ATF7IP: variants seen among roughly 807,000 people sequenced by gnomAD.
ATF7IP encodes the protein activating transcription factor 7 interacting protein, also known as activating transcription factor 7-interacting protein 1.
ATF7IP carries 23 observed loss-of-function variants against 106.4 expected under a neutral mutation model. That is an observed-to-expected ratio of 0.22 (90% CI 0.16 to 0.31). The LOEUF (loss-of-function observed/expected upper bound fraction) is 0.31. ATF7IP is among the 10% of genes least tolerant of loss of function. ATF7IP has a pLI of 1.00. For synonymous variants in ATF7IP, 542 were observed against 539.0 expected, an observed-to-expected ratio of 1.01 and a Z score of -0.08; for missense variants, 1,334 against 1,524.3, an observed-to-expected ratio of 0.88 and a Z score of 2.08.
intron 13 of ATF7IP, among the ~76,000 whole-genome samples, chr12:14,485,176 A>G (rs1280401404): frequency 6.6e-6 from 1 of 152,046 alleles, no homozygotes; most frequent in Non-Finnish European, 1.5e-5. Flanking sequence ...AGTAGCATGG[A>G]CCTGTTGCAG....
chr12:14,430,960 C>T (rs377514126), intron 2 of ATF7IP, among the ~76,000 whole-genome samples: 3 of 152,054 alleles, frequency 2.0e-5, no homozygotes, highest in South Asian at 2.1e-4. Context: ...ATTTTTTGGC[C>T]GCTTACAAAA....
chr12:14,431,398 C>CTTT (rs780382202), intron 2 of ATF7IP, among the ~76,000 whole-genome samples: 1 of 142,664 alleles, frequency 7.0e-6, no homozygotes, highest in African/African-American at 2.6e-5. Context: ...AAAAAACATT[C>CTTT]TTTTTTTTTT....
chr12:14,404,817 A>T (rs1021954950), intron 1 of ATF7IP, among the ~76,000 whole-genome samples: 1 of 146,208 alleles, frequency 6.8e-6, no homozygotes, highest in Non-Finnish European at 1.5e-5. Flanking sequence ...TGTAGAATGG[A>T]TGGAGACCAC....
chr12:14,422,397 A>G (rs1383311349), intron 1 of ATF7IP, among the ~76,000 whole-genome samples: 1 of 151,896 alleles, frequency 6.6e-6, no homozygotes, highest in East Asian at 1.9e-4. Flanking sequence ...TAGTGGCATT[A>G]CTGAGATAAA....
At chr12:14,398,797 A>G (rs892687537) in intron 1 of ATF7IP, among the ~76,000 whole-genome samples, 2 of 151,838 alleles carry the variant, frequency 1.3e-5, no homozygotes, top group African/African-American at 2.4e-5. Flanking sequence ...TATATGTCAT[A>G]TATAGGTTTT....
chr12:14,366,801 C>A (rs1365605097), intron 1 of ATF7IP, among the ~76,000 whole-genome samples: 1 of 152,078 alleles, frequency 6.6e-6, no homozygotes, highest in Admixed American at 6.6e-5. Flanking sequence ...ATCCATTACC[C>A]TGAGGCCTCT....
intron 5 of ATF7IP, among the ~76,000 whole-genome samples, chr12:14,443,632 G>A (rs1942815304): frequency 6.6e-6 from 1 of 152,098 alleles, no homozygotes; most frequent in African/African-American, 2.4e-5. Flanking sequence ...TTTAATAATG[G>A]ATTATTGGAA....
intron 9 of ATF7IP, among the ~76,000 whole-genome samples, chr12:14,464,536 A>G (rs1207397634): frequency 1.3e-5 from 2 of 152,220 alleles, no homozygotes; most frequent in Admixed American, 1.3e-4. Context: ...CGTATTCCAT[A>G]TGATAGAAGG....
rs752153205 is a variant in ATF7IP at position 14,496,280 on chromosome 12, A to T, written c.3330A>T (p.Gly1110=). ...CAACCACATATGTTGTAAACAATGG[A>T]CTAACCCTGGGATCAACAGGACCTC... ...PQTTTYVVNN[G]LTLGSTGPQL... The change falls in exon 14 of 15, where the codon GGA becomes GGT. Residue 1110 remains glycine (G), a synonymous_variant. Coordinates refer to ENST00000261168, the MANE Select transcript of ATF7IP (RefSeq NM_018179.5). 6.2e-7 allele frequency: 1 copy of T among 1,614,024 alleles called. No individual in the cohort carries two copies. Among genetic ancestry groups the T allele is most frequent in the Non-Finnish European group, 8.5e-7 (1 of 1,179,914 alleles).
chr12:14,373,198 C>G (rs912571549), intron 1 of ATF7IP, among the ~76,000 whole-genome samples: 1 of 152,156 alleles, frequency 6.6e-6, no homozygotes, highest in African/African-American at 2.4e-5. Flanking sequence ...TGCTTTTGAA[C>G]TCTTTTATTT....
intron 11 of ATF7IP, chr12:14,476,411 CAAAAAAAAAAAAAAA>C (rs10603374): frequency 1.5e-5 from 1 of 65,080 alleles, no homozygotes; most frequent in South Asian, 6.5e-4. Flanking sequence ...GGCCCTGTCT[CAAAAAAAAAAAAAAA>C]AAAAAAAAAG....
chr12:14,438,364 A>AG, intron 5 of ATF7IP, 97 bp downstream of exon 5: 2 of 1,144,816 alleles, frequency 1.7e-6, no homozygotes, highest in Non-Finnish European at 2.4e-6. Context: ...AAATACATTT[A>AG]AATTCTAAAT....
chr12:14,497,681 C>T lies in ATF7IP; in HGVS notation c.3421C>T (p.Pro1141Ser). The change falls in exon 15 of 15, where the codon CCC becomes TCC. Residue 1141 changes from proline to serine, a missense_variant. Pro to Ser is a moderately conservative substitution (Grantham distance 74). This residue lies in a region of ATF7IP where 370 missense variants were observed against 401.2 expected (regional missense o/e 0.92). Transcript: ENST00000261168. ...GCCCCCACGCCCCGTGCACCCAGCA[C>T]CCTTACCAGAAGCTCCACAACCACA... ...TEPPRPVHPA[P>S]LPEAPQPQRL... is the part of the protein sequence containing the mutation. 6.2e-7 allele frequency: 1 copy of T among 1,614,088 alleles called. No individual in the cohort carries two copies. The highest frequency in any genetic ancestry group is 8.5e-7 in the Non-Finnish European group (1 of 1,179,970).
At chr12:14,462,561 T>G (rs1378357742) in intron 9 of ATF7IP, among the ~76,000 whole-genome samples, 2 of 151,996 alleles carry the variant, frequency 1.3e-5, no homozygotes, top group African/African-American at 2.4e-5. Context: ...TTGAAATATT[T>G]TAAGAGTATT....
chr12:14,389,817 G>T (rs1339722784), intron 1 of ATF7IP, among the ~76,000 whole-genome samples: 1 of 152,094 alleles, frequency 6.6e-6, no homozygotes, highest in Non-Finnish European at 1.5e-5. Context: ...AGTAGAGACT[G>T]GGTTTCTCCA....
At chr12:14,487,912 A>C (rs558522338) in intron 13 of ATF7IP, among the ~76,000 whole-genome samples, 1 of 152,288 alleles carries the variant, frequency 6.6e-6, no homozygotes, top group East Asian at 1.9e-4. Context: ...TAGAGTCCCT[A>C]AACTCCTTGC....
At chr12:14,372,595 C>G (rs1420535619) in intron 1 of ATF7IP, among the ~76,000 whole-genome samples, 2 of 151,988 alleles carry the variant, frequency 1.3e-5, no homozygotes, top group East Asian at 3.8e-4. Flanking sequence ...GAAATATGCA[C>G]TTATTCATGT....
At chr12:14,461,956 T>G (rs968193153) in intron 9 of ATF7IP, among the ~76,000 whole-genome samples, 4 of 152,178 alleles carry the variant, frequency 2.6e-5, no homozygotes, top group Admixed American at 1.3e-4. Flanking sequence ...AGTACAAAAT[T>G]ACTTTTATAA....
At chr12:14,384,349 GAT>G (rs1312938565) in intron 1 of ATF7IP, among the ~76,000 whole-genome samples, 1 of 152,140 alleles carries the variant, frequency 6.6e-6, no homozygotes, top group Non-Finnish European at 1.5e-5. Context: ...CTCTTTGATT[GAT>G]ATGTTTCTGC....
Sources: gnomAD v4.1 joint callset for allele counts (sites outside exome capture counted in the v4.1 genomes callset) on GRCh38, gnomAD v4.1.1 for gene constraint, gnomAD v4.1.1 regional missense constraint, MANE v1.5 for transcripts, NCBI Gene and HGNC (gene_info 2026-07-23, HGNC 2026-07-21) for gene names.